The following MRM3 variants were observed in gnomAD, a reference collection of about 807,000 sequenced individuals.
MRM3 encodes the protein mitochondrial rRNA methyltransferase 3, also known as rRNA methyltransferase 3, mitochondrial.
In MRM3, 26 loss-of-function variants were observed where a neutral mutation model predicts 29.4. That is an observed-to-expected ratio of 0.89 (90% CI 0.65 to 1.23). MRM3 has a LOEUF of 1.23. MRM3 is among the 50% of genes most tolerant of loss of function. The pLI, the probability that MRM3 is intolerant of heterozygous loss-of-function variation, is 0.00. For missense variants in MRM3, 578 were observed against 540.2 expected (o/e 1.07, Z -0.69); for synonymous variants, 225 against 219.0 (o/e 1.03, Z -0.24).
Position 783,107 on chromosome 17 carries a change from C to T in MRM3, c.339C>T (p.Ser113=), listed in dbSNP as rs1195516919. The T allele has an allele frequency of 1.2e-6, 2 of 1,613,474 alleles. No homozygotes were observed. ...RLSSVMTIVK[S]RPFREKQGKI... is the part of the protein sequence containing the mutation. ...GCAGTGTAATGACAATAGTAAAGTC[C>T]AGGCCATTTCGGGAAAAACAAGGGA... The change falls in exon 2 of 4, where the codon TCC becomes TCT. Residue 113 remains serine (S), a synonymous_variant. Transcript: ENST00000304478.
chr17:790,978 G>A (rs1379831047), intron 3 of MRM3, among the ~76,000 whole-genome samples: 3 of 147,300 alleles, frequency 2.0e-5, no homozygotes, highest in African/African-American at 7.5e-5. Flanking sequence ...CCGGCTGATT[G>A]GCTGGCTCAC....
intron 2 of MRM3, among the ~76,000 whole-genome samples, chr17:785,860 AT>A (rs1910507670): frequency 6.6e-6 from 1 of 152,210 alleles, no homozygotes; most frequent in African/African-American, 2.4e-5. Flanking sequence ...CCTATAAACT[AT>A]TTTTTAAAAG....
rs749528382 is a variant in MRM3, at chr17:783,356, T to C, written c.559+29T>C. On this transcript the variant is annotated intron_variant, in intron 2 of 3. Coordinates refer to ENST00000304478, the MANE Select transcript of MRM3 (RefSeq NM_018146.4). ...AGTGATTACCCAGTGTATCTTTTTT[T>C]TTTTTTGTCTTGTTCTGTCACCCAG... 12 of 1,564,302 alleles carry C rather than the reference T, an allele frequency of 7.7e-6. No homozygotes were observed. The East Asian group carries it at 2.7e-4, about 35-fold the overall frequency.
In MRM3 at chr17:791,744, T is replaced by A. The variant is rs1910832381; in HGVS notation, c.938T>A (p.Val313Glu). The A allele has an allele frequency of 1.9e-6, 3 of 1,613,808 alleles. No homozygotes were observed. Among genetic ancestry groups the A allele is most frequent in the Non-Finnish European group, 2.5e-6 (3 of 1,179,994 alleles). Residue 313 changes from valine (V) to glutamate (E), a missense_variant, in exon 4 of 4, where the codon GTG (valine) becomes GAG (glutamate). Transcript: ENST00000304478. Reference sequence around the variant, plus strand: ...CATGGCTGGGTGTGTGATCAACGAGTGATGAAGTTTCACAAGTATGAGGAA... The same window carrying A: ...CATGGCTGGGTGTGTGATCAACGAGAGATGAAGTTTCACAAGTATGAGGAA... ...SDHGWVCDQR[V>E]MKFHKYEEEE...
chr17:782,628 C>T lies in MRM3; in HGVS notation c.250C>T (p.Pro84Ser). The change falls in exon 1 of 4, where the codon CCC becomes TCC. Residue 84 changes from proline to serine, a missense_variant. Physicochemically the swap from Pro to Ser is moderately conservative, Grantham distance 74. Transcript: ENST00000304478. Reference sequence around the variant, plus strand: ...GCTCGAGGAGTCCGCATCCCGCGCTCCCAGCACCTGGGAAGAGTCTGGGCT... The same window carrying T: ...GCTCGAGGAGTCCGCATCCCGCGCTTCCAGCACCTGGGAAGAGTCTGGGCT... ...QPLEESASRA[P>S]STWEESGLRY... The T allele has an allele frequency of 6.2e-7, 1 of 1,613,854 alleles. No individual in the cohort carries two copies. Among genetic ancestry groups the T allele is most frequent in the Non-Finnish European group, 8.5e-7 (1 of 1,179,896 alleles).
At chr17:791,238 T>G (rs1910805810) in intron 3 of MRM3, among the ~76,000 whole-genome samples, 1 of 152,178 alleles carries the variant, frequency 6.6e-6, no homozygotes, top group African/African-American at 2.4e-5. Flanking sequence ...CCCACTACAC[T>G]GTGCGTTCCT....
chr17:791,980 G>C lies in MRM3; in HGVS notation c.1174G>C (p.Ala392Pro), dbSNP rs1910851369. The C allele has an allele frequency of 1.2e-6, 2 of 1,613,890 alleles. No individual in the cohort carries two copies. Among genetic ancestry groups the C allele is most frequent in the Admixed American group, 3.3e-5 (2 of 60,004 alleles). ...GCCTGGTGTGGACAGCCTCAACTCGGCCATGGCGGCAAGCATCCTGCTTTT... is the reference window on the plus strand; with the variant it reads ...GCCTGGTGTGGACAGCCTCAACTCGCCCATGGCGGCAAGCATCCTGCTTTT... Reference protein sequence around the residue: ...VVPGVDSLNSAMAASILLFEG... With the variant: ...VVPGVDSLNSPMAASILLFEG... Residue 392 changes from alanine (A) to proline (P), a missense_variant, in exon 4 of 4, where the codon GCC (alanine) becomes CCC (proline). By Grantham distance (27) the Ala-to-Pro change is conservative. Coordinates refer to ENST00000304478, the MANE Select transcript of MRM3 (RefSeq NM_018146.4).
intron 3 of MRM3, among the ~76,000 whole-genome samples, chr17:788,563 C>T (rs56761155): frequency 0.013 from 1,913 of 151,382 alleles, 38 homozygotes; most frequent in African/African-American, 0.044. Context: ...AGCAGTCCTC[C>T]TGCCTCAGTC....
chr17:792,118 C>A lies in MRM3; in HGVS notation c.*49C>A. The stretch of plus-strand genomic sequence containing the variant: ...GAGGACGTCTGCAGCTCCTCCTACA[C>A]CAGCACACTGGTGGGAGGCTGGCGG... On this transcript the variant is annotated 3_prime_UTR_variant, in exon 4 of 4. Coordinates refer to ENST00000304478, the MANE Select transcript of MRM3 (RefSeq NM_018146.4). The A allele has an allele frequency of 6.6e-7, 1 of 1,525,990 alleles. No individual in the cohort carries two copies. Among genetic ancestry groups the A allele is most frequent in the Non-Finnish European group, 8.8e-7 (1 of 1,131,378 alleles). 94.5% of individuals were successfully genotyped at this position (1,525,990 alleles called of 1,614,324 possible).
chr17:786,908 G>A (rs1470279374), intron 2 of MRM3, among the ~76,000 whole-genome samples: 2 of 152,170 alleles, frequency 1.3e-5, no homozygotes, highest in Admixed American at 1.3e-4. Flanking sequence ...TAATTTAACA[G>A]TCCATAGGGG....
chr17:782,791 C>T, intron 1 of MRM3, 99 bp downstream of exon 1: 1 of 1,296,604 alleles, frequency 7.7e-7, no homozygotes, highest in Non-Finnish European at 1.0e-6. Context: ...TCCAGTACAG[C>T]CCGCTGGTTT....
intron 2 of MRM3, among the ~76,000 whole-genome samples, chr17:786,651 C>T (rs1276831135): frequency 5.3e-5 from 8 of 151,942 alleles, no homozygotes; most frequent in African/African-American, 1.7e-4. Context: ...CCTTGTGATC[C>T]GCCCACCTCA....
At chr17:791,372 G>T (rs1444390469) in intron 3 of MRM3, among the ~76,000 whole-genome samples, 162 bp from the exon 4 acceptor site, 3 of 152,158 alleles carry the variant, frequency 2.0e-5, no homozygotes, top group Non-Finnish European at 2.9e-5. Flanking sequence ...TATAGTCGCT[G>T]TGCTGGATGC....
At position 783,071 on chromosome 17, in the gene MRM3, T is replaced by TTTTTC; in HGVS notation, c.315-11_315-10insTTTCT. 1 of 1,576,806 alleles carries TTTTTC rather than the reference T, an allele frequency of 6.3e-7. No homozygotes were observed. On this transcript the variant is annotated splice_polypyrimidine_tract_variant and intron_variant, in intron 1 of 3. Transcript: ENST00000304478. ...ATAGTTACCTGTTTTTTTTTTTTAT[T>TTTTTC]TCCATCTACAGCAGTGTAATGACAA...
At position 782,419 on chromosome 17, in the gene MRM3, C is replaced by A. The variant is rs752422638; in HGVS notation, c.41C>A (p.Pro14Gln). The A allele has an allele frequency of 2.5e-6, 4 of 1,613,828 alleles. No individual in the cohort carries two copies. The highest frequency in any genetic ancestry group is 1.7e-6 in the Non-Finnish European group (2 of 1,179,986). Reference sequence around the variant, plus strand: ...AGACCCGCGAGGTTTGTCGTGCGACCGTTGCTGCAGGTGGTCCAGGCTTGG... The same window carrying A: ...AGACCCGCGAGGTTTGTCGTGCGACAGTTGCTGCAGGTGGTCCAGGCTTGG... ...LVRPARFVVRPLLQVVQAWDL... is the reference protein window; with the variant it reads ...LVRPARFVVRQLLQVVQAWDL... The change falls in exon 1 of 4, where the codon CCG becomes CAG. Residue 14 changes from proline to glutamine, a missense_variant. Coordinates refer to ENST00000304478, the MANE Select transcript of MRM3 (RefSeq NM_018146.4).
chr17:789,946 C>T (rs1304808895), intron 3 of MRM3: 1 of 152,258 alleles, frequency 6.6e-6, no homozygotes, highest in Admixed American at 6.5e-5. Flanking sequence ...TCAGCCTCGG[C>T]CGCTCCTCTC....
In MRM3 at chr17:782,710, C is replaced by T; in HGVS notation, c.314+18C>T. The T allele has an allele frequency of 1.3e-6, 2 of 1,577,594 alleles. No homozygotes were observed. Among genetic ancestry groups the T allele is most frequent in the Non-Finnish European group, 1.7e-6 (2 of 1,157,286 alleles). On this transcript the variant is annotated intron_variant, in intron 1 of 3. Coordinates refer to ENST00000304478, the MANE Select transcript of MRM3 (RefSeq NM_018146.4). ...AGGCTGAGGTGATGTGGTTCTTGAG[C>T]CTGTCGAATGTTCTCGTTTCCCTTC...
At chr17:789,411 G>A (rs1041231464) in intron 3 of MRM3, among the ~76,000 whole-genome samples, 5 of 152,056 alleles carry the variant, frequency 3.3e-5, no homozygotes, top group African/African-American at 7.3e-5. Context: ...ACACAAATTC[G>A]CCTCATTACA....
Position 782,393 on chromosome 17 carries a change from G to A in MRM3, c.15G>A (p.Val5=), listed in dbSNP as rs756983437. ...TCTCAGGGAACATGGCGGCGCTGGT[G>A]AGACCCGCGAGGTTTGTCGTGCGAC... MAAL[V]RPARFVVRPL... The change falls in exon 1 of 4, where the codon GTG becomes GTA. Residue 5 remains valine (V), a synonymous_variant. Coordinates refer to ENST00000304478, the MANE Select transcript of MRM3 (RefSeq NM_018146.4). The A allele has an allele frequency of 3.7e-6, 6 of 1,613,572 alleles. No homozygotes were observed. In the East Asian group the frequency reaches 1.3e-4, roughly 36 times the overall value.
Sources: allele counts gnomAD v4.1 joint callset (sites outside exome capture counted in the v4.1 genomes callset), GRCh38; gene constraint gnomAD v4.1.1; transcripts MANE v1.5; gene names NCBI Gene and HGNC (gene_info 2026-07-23, HGNC 2026-07-21).